Variants in MGST2 observed in about 807,000 individuals in gnomAD.
MGST2 encodes glutathione peroxidase MGST2.
In MGST2, 9 loss-of-function variants were observed where a neutral mutation model predicts 16.6. The ratio of observed to expected loss-of-function variants is 0.54; its 90% CI spans 0.33 to 0.95. MGST2 has a LOEUF of 0.95. Among genes scored for constraint, MGST2 ranks in the 40% least tolerant of loss-of-function variants. MGST2 has a pLI of 0.03. For missense variants in MGST2, 159 were observed against 175.1 expected (o/e 0.91, Z 0.52); for synonymous variants, 79 against 68.0 (o/e 1.16, Z -0.79).
At chr4:139,670,726 A>T (rs1192088434) in intron 1 of MGST2, among the ~76,000 whole-genome samples, 1 of 152,092 alleles carries the variant, frequency 6.6e-6, no homozygotes, top group Non-Finnish European at 1.5e-5. Context: ...CAGCCTGGGC[A>T]ACATGATGAA....
intron 5 of MGST2, chr4:139,717,780 G>A (rs1050841381): frequency 6.6e-6 from 1 of 152,326 alleles, no homozygotes; most frequent in East Asian, 1.9e-4. Context: ...CAGGAAAAAA[G>A]CACACGCCAC....
In MGST2 at chr4:139,678,558, A is replaced by G; in HGVS notation, c.74A>G (p.Gln25Arg). The change falls in exon 2 of 5, where the codon CAA (glutamine) becomes CGA (arginine). Residue 25 changes from glutamine (Q) to arginine (R), a missense_variant. By Grantham distance (43) the Gln-to-Arg change is conservative. Transcript: ENST00000265498. The stretch of plus-strand genomic sequence containing the variant: ...TTACTTGCAGGTTATTTTGCTTTGC[A>G]AGTTGGAAAGGCAAGATTAAAATAC... ...SACQQSYFALQVGKARLKYKV... is the reference protein window; with the variant it reads ...SACQQSYFALRVGKARLKYKV... 1 of 1,614,030 alleles carries G rather than the reference A, an allele frequency of 6.2e-7. No homozygotes were observed. Among genetic ancestry groups the G allele is most frequent in the Non-Finnish European group, 8.5e-7 (1 of 1,179,920 alleles).
At chr4:139,740,169 T>G (rs1729111860) in intron 5 of MGST2, 2 of 152,300 alleles carry the variant, frequency 1.3e-5, no homozygotes, top group Admixed American at 1.3e-4. Context: ...AAGCCTGCTC[T>G]CTGTGGCACC....
intron 5 of MGST2, among the ~76,000 whole-genome samples, chr4:139,724,170 G>C (rs1728374003): frequency 6.6e-6 from 1 of 152,208 alleles, no homozygotes; most frequent in Non-Finnish European, 1.5e-5. Context: ...AGGATCTAAT[G>C]TGATATAAGC....
Position 139,715,764 on chromosome 4 carries a change from C to T in MGST2, c.*48+11568C>T, listed in dbSNP as rs189512333. 3.3e-5 allele frequency among the ~76,000 whole-genome samples: 5 copies of T among 152,216 alleles called. No homozygotes were observed. In the South Asian group the frequency reaches 6.2e-4, roughly 19 times the overall value. Reference sequence around the variant, plus strand: ...AGTGAGGACGACCAGAGGTCACCCTCGTCGCTATTTTGGTTTTGGTGGGCT... The same window carrying T: ...AGTGAGGACGACCAGAGGTCACCCTTGTCGCTATTTTGGTTTTGGTGGGCT... On this transcript the variant is annotated intron_variant, in intron 5 of 5. Coordinates refer to the MGST2 transcript ENST00000616265. The surrounding 1 kb of genome is among the most constrained non-coding windows in gnomAD (Gnocchi z 4.4).
At chr4:139,719,903 G>C (rs1380223384) in intron 5 of MGST2, 4 of 1,613,938 alleles carry the variant, frequency 2.5e-6, no homozygotes, top group Admixed American at 1.7e-5. Context: ...CAGCCTTGGA[G>C]GGGCTTGGGG....
intron 1 of MGST2, among the ~76,000 whole-genome samples, chr4:139,672,770 CA>C (rs1730767037): frequency 6.6e-6 from 1 of 152,058 alleles, no homozygotes; most frequent in South Asian, 2.1e-4. Flanking sequence ...GGGCTTGTCT[CA>C]AACTCCTGAC....
Position 139,691,941 on chromosome 4 carries a change from T to C in MGST2, c.159-3256T>C, listed in dbSNP as rs534675886. ...GGTCTCGATCTCCTGACCTCGTGAT[T>C]TGCCCACCTCGGCCTCCCAAAGTGC... On this transcript the variant is annotated intron_variant, in intron 2 of 4. Transcript: ENST00000265498. 1.4e-4 allele frequency among the ~76,000 whole-genome samples: 22 copies of C among 152,158 alleles called. 1 individual carries two copies. The highest frequency in any genetic ancestry group is 5.3e-4 in the African/African-American group (22 of 41,528).
At chr4:139,749,889 C>T in the MGST2 span, among the ~76,000 whole-genome samples, 1 of 128,534 alleles carries the variant, frequency 7.8e-6, no homozygotes, top group Non-Finnish European at 1.6e-5. Flanking sequence ...ATAAGAACCC[C>T]CCCCCACCCT....
intron 5 of MGST2, among the ~76,000 whole-genome samples, chr4:139,709,697 G>C (rs531820261): frequency 2.6e-4 from 39 of 152,324 alleles, no homozygotes; most frequent in African/African-American, 8.7e-4. Context: ...TAAAGGATCT[G>C]AAGAGAAGTT....
At chr4:139,709,345 A>C (rs1727653654) in intron 5 of MGST2, among the ~76,000 whole-genome samples, 1 of 152,132 alleles carries the variant, frequency 6.6e-6, no homozygotes, top group Non-Finnish European at 1.5e-5. Flanking sequence ...AGCCTCCCAA[A>C]GTGCTGGGAT....
intron 5 of MGST2, among the ~76,000 whole-genome samples, chr4:139,736,034 G>A (rs1728929772): frequency 6.6e-6 from 1 of 152,164 alleles, no homozygotes. Context: ...ATTGTTCGTG[G>A]CAGGAAAGAG....
intron 5 of MGST2, among the ~76,000 whole-genome samples, chr4:139,713,004 G>A (rs1040181477): frequency 6.6e-6 from 1 of 152,144 alleles, no homozygotes; most frequent in Non-Finnish European, 1.5e-5. Context: ...TCCAAATTTT[G>A]TTCACAGCAG....
At chr4:139,679,965 A>G (rs899048257) in intron 2 of MGST2, among the ~76,000 whole-genome samples, 1 of 152,186 alleles carries the variant, frequency 6.6e-6, no homozygotes, top group Non-Finnish European at 1.5e-5. Flanking sequence ...GTTTTATGAC[A>G]ACAAATAACT....
At chr4:139,744,031 T>C (rs1729241507), downstream of MGST2, among the ~76,000 whole-genome samples, 1 of 152,222 alleles carries the variant, frequency 6.6e-6, no homozygotes, top group South Asian at 2.1e-4. Flanking sequence ...CAGTCACTCT[T>C]AGTACCTCTC....
At chr4:139,720,169 T>C in intron 5 of MGST2, 1 of 1,614,054 alleles carries the variant, frequency 6.2e-7, no homozygotes, top group African/African-American at 1.3e-5. Flanking sequence ...AAGGGGCCAG[T>C]CCCATCTCCG....
downstream of MGST2, among the ~76,000 whole-genome samples, chr4:139,708,728 C>T (rs2034649): frequency 0.16 from 23,699 of 152,038 alleles, 4,056 homozygotes; most frequent in African/African-American, 0.42. Context: ...ATGGGCCAGG[C>T]GCGGTGGCTC....
At chr4:139,736,410 G>C in intron 5 of MGST2, among the ~76,000 whole-genome samples, 1 of 152,132 alleles carries the variant, frequency 6.6e-6, no homozygotes, top group East Asian at 1.9e-4. Context: ...AGGATGAATC[G>C]AACACCCACG....
At chr4:139,692,362 T>C (rs1726660949) in intron 2 of MGST2, among the ~76,000 whole-genome samples, 1 of 152,170 alleles carries the variant, frequency 6.6e-6, no homozygotes, top group South Asian at 2.1e-4. Flanking sequence ...CAATTCCTTC[T>C]GGGAATACAG....
Sources: allele counts gnomAD v4.1 joint callset (sites outside exome capture counted in the v4.1 genomes callset), GRCh38; gene constraint gnomAD v4.1.1; non-coding constraint Gnocchi (gnomAD v3.1); transcripts MANE v1.5; gene names NCBI Gene and HGNC (gene_info 2026-07-23, HGNC 2026-07-21).